Variants in MAGED2 observed in about 807,000 individuals in gnomAD.
MAGED2 encodes the protein melanoma-associated antigen D2.
MAGED2 carries 6 observed loss-of-function variants against 41.7 expected under a neutral mutation model. That is an observed-to-expected ratio of 0.14 (90% CI 0.08 to 0.28). The LOEUF is 0.28. MAGED2 is among the 10% of genes least tolerant of loss of function. The pLI is 1.00. For synonymous variants in MAGED2, 146 were observed against 178.2 expected (o/e 0.82, Z 1.44); for missense variants, 343 against 486.4 (o/e 0.71, Z 2.77).
At position 54,815,548 on chromosome X, in the gene MAGED2, G is replaced by A. The variant is rs763080639; in HGVS notation, c.1687G>A (p.Ala563Thr). The change falls in exon 12 of 13, where the codon GCC becomes ACC. Residue 563 changes from alanine to threonine, a missense_variant. By Grantham distance (58) the Ala-to-Thr change is moderately conservative. Transcript: ENST00000375068. ...TACCAATAACAGTGCCAGTGCCAGT[G>A]CCAGCACCAGTGGTGGCTTCAGTGC... Reference protein sequence around the residue: ...TSTNNSASASASTSGGFSAGA... With the variant: ...TSTNNSASASTSTSGGFSAGA... The A allele has an allele frequency of 4.2e-5, 50 of 1,176,702 alleles. No individual in the cohort carries two copies. Among genetic ancestry groups the A allele is most frequent in the Non-Finnish European group, 5.5e-5 (48 of 876,046 alleles).
At chrX:54,810,687 G>A in intron 3 of MAGED2, 134 bp from the exon 4 acceptor site, 1 of 520,756 alleles carries the variant, frequency 1.9e-6, no homozygotes. Context: ...CCAGGGTTCA[G>A]CATGGCCAAC....
chrX:54,810,692 G>A, intron 3 of MAGED2, 129 bp from the exon 4 acceptor site: 1 of 534,148 alleles, frequency 1.9e-6, no homozygotes, highest in South Asian at 3.9e-5. Context: ...GTTCAGCATG[G>A]CCAACATCTA....
rs147480000 is a variant in MAGED2 at position 54,813,012 on chromosome X, C to T, written c.1153C>T (p.Arg385Trp). 1 of 1,210,170 alleles carries T rather than the reference C, an allele frequency of 8.3e-7. No homozygotes were observed. Among genetic ancestry groups the T allele is most frequent in the South Asian group, 1.8e-5 (1 of 56,782 alleles). ...TAGCATCATCTTCATGAATGGAAATCGGTCCAGTGAGGGTGAGTGGCTGGG... is the reference window on the plus strand; with the variant it reads ...TAGCATCATCTTCATGAATGGAAATTGGTCCAGTGAGGGTGAGTGGCTGGG... ...LLSIIFMNGNRSSEAVIWEVL... is the reference protein window; with the variant it reads ...LLSIIFMNGNWSSEAVIWEVL... Residue 385 changes from arginine to tryptophan, a missense_variant, in exon 8 of 13, where the codon CGG (arginine) becomes TGG (tryptophan). Around this residue, in one of 3 missense-constraint regions of MAGED2, gnomAD observed 95 missense variants for 204.8 expected, o/e 0.46. Transcript: ENST00000375068.
At chrX:54,810,798 G>A (rs1929775275) in intron 3 of MAGED2, 23 bp from the exon 4 acceptor site, 1 of 1,138,715 alleles carries the variant, frequency 8.8e-7, no homozygotes, top group Non-Finnish European at 1.2e-6. Context: ...TGGTGACGTT[G>A]AGCTTCCTCT....
intron 5 of MAGED2, 24 bp downstream of exon 5, chrX:54,811,337 C>T: frequency 8.5e-7 from 1 of 1,179,435 alleles, no homozygotes; most frequent in South Asian, 1.8e-5. Context: ...AATCCTCCCT[C>T]TGCCCTGAGC....
chrX:54,812,013 G>A (rs1043890703), intron 6 of MAGED2, 144 bp from the exon 7 acceptor site: 18 of 457,661 alleles, frequency 3.9e-5, no homozygotes, highest in Non-Finnish European at 6.3e-5. Context: ...CGTGTTTACC[G>A]GGTGCCAGGC....
At chrX:54,813,718 G>A (rs1317587921) in intron 10 of MAGED2, among the ~76,000 whole-genome samples, 168 bp downstream of exon 10, 1 of 112,124 alleles carries the variant, frequency 8.9e-6, no homozygotes, top group Non-Finnish European at 1.9e-5. Context: ...AACAGGAGCA[G>A]CACATGTTTC....
intron 7 of MAGED2, among the ~76,000 whole-genome samples, chrX:54,812,667 C>A (rs1333707035): frequency 9.3e-6 from 1 of 107,814 alleles, no homozygotes; most frequent in Non-Finnish European, 1.9e-5. Flanking sequence ...AAGGGACTCA[C>A]ATTGACTGAG....
intron 2 of MAGED2, 96 bp downstream of exon 2, chrX:54,809,472 C>T: frequency 1.1e-6 from 1 of 950,175 alleles, no homozygotes; most frequent in Non-Finnish European, 1.5e-6. Context: ...CATCCTTGTC[C>T]TTCTCCACCT....
intron 3 of MAGED2, 99 bp downstream of exon 3, chrX:54,810,312 C>CCCCCCACAGCCCTGA: frequency 3.8e-6 from 2 of 521,678 alleles, no homozygotes; most frequent in Non-Finnish European, 6.0e-6. Flanking sequence ...CTCATCAGGG[C>CCCCCCACAGCCCTGA]TGTGGGGGGC....
chrX:54,814,398 G>T lies in MAGED2; in HGVS notation c.1272-263G>T, dbSNP rs1929899337. ...GTGTGCTCAGAGCAGGGGGCCCAAA[G>T]AATGGCTCCTCTGTTTACAACACAC... On this transcript the variant is annotated intron_variant, in intron 10 of 12. Transcript: ENST00000375068. The T allele has an allele frequency of 1.0e-5, 5 of 495,541 alleles. No individual in the cohort carries two copies. The East Asian group carries it at 2.0e-4, about 20-fold the overall frequency. 40.8% of individuals were successfully genotyped at this position (495,541 alleles called of 1,213,427 possible). A position where few individuals can be genotyped will look rare whatever the true frequency, so the allele number is the denominator to read the frequency against.
intron 5 of MAGED2, 49 bp from the exon 6 acceptor site, chrX:54,811,525 C>A: frequency 1.7e-5 from 18 of 1,064,464 alleles, no homozygotes; most frequent in Non-Finnish European, 2.4e-5. Flanking sequence ...GGCATCAGGG[C>A]CACCTGGCAT....
chrX:54,808,502 G>A (rs1182116778), intron 1 of MAGED2: 1 of 113,362 alleles, frequency 8.8e-6, no homozygotes, highest in African/African-American at 3.2e-5. Flanking sequence ...GGGATCTGGA[G>A]AAAACCTGCC....
chrX:54,815,766 C>A, intron 12 of MAGED2, 76 bp downstream of exon 12: 1 of 701,784 alleles, frequency 1.4e-6, no homozygotes, highest in Non-Finnish European at 2.1e-6. Flanking sequence ...TCTAGGAAGG[C>A]CCAAGTTGGA....
Position 54,812,952 on chromosome X carries a change from G to A in MAGED2, c.1093G>A (p.Asp365Asn). ...TDAGILGTTK[D>N]SPKLGLLMVL... Reference sequence around the variant, plus strand: ...GTCCTGTTATTTCTCTAGGACTAAGGACTCACCCAAGCTGGGTCTGCTCAT... The same window carrying A: ...GTCCTGTTATTTCTCTAGGACTAAGAACTCACCCAAGCTGGGTCTGCTCAT... The change falls in exon 8 of 13, where the codon GAC (aspartate) becomes AAC (asparagine). Residue 365 changes from aspartate to asparagine, a missense_variant. Asp to Asn is a conservative substitution (Grantham distance 23). This residue lies in a region of MAGED2 where 95 missense variants were observed against 204.8 expected (regional missense o/e 0.46). Transcript: ENST00000375068. 8.3e-7 allele frequency: 1 copy of A among 1,207,159 alleles called. No individual in the cohort carries two copies. The highest frequency in any genetic ancestry group is 1.1e-6 in the Non-Finnish European group (1 of 891,888).
chrX:54,810,304 C>T, intron 3 of MAGED2, 91 bp downstream of exon 3: 1 of 578,355 alleles, frequency 1.7e-6, no homozygotes, highest in Non-Finnish European at 2.6e-6. Context: ...TCCCTGTGCT[C>T]ATCAGGGCTG....
intron 7 of MAGED2, 65 bp from the exon 8 acceptor site, chrX:54,812,880 T>C: frequency 1.2e-6 from 1 of 832,989 alleles, no homozygotes. Flanking sequence ...GCCTAGTGAG[T>C]TGGCTGGTGT....
At chrX:54,813,721 CAT>C (rs1450944917) in intron 10 of MAGED2, among the ~76,000 whole-genome samples, 171 bp downstream of exon 10, 1 of 112,065 alleles carries the variant, frequency 8.9e-6, no homozygotes. Context: ...AGGAGCAGCA[CAT>C]GTTTCCTGAT....
chrX:54,810,874 T>C lies in MAGED2; in HGVS notation c.591T>C (p.Ser197=). The C allele has an allele frequency of 8.3e-6, 10 of 1,199,267 alleles. No homozygotes were observed. Among genetic ancestry groups the C allele is most frequent in the Non-Finnish European group, 1.1e-5 (10 of 887,878 alleles). Reference sequence around the variant, plus strand: ...GCAGCAGTGATCAGAGTCAGGCTTCTGGAACCACAGGTGGCCGAAGGGTCT... The same window carrying C: ...GCAGCAGTGATCAGAGTCAGGCTTCCGGAACCACAGGTGGCCGAAGGGTCT... ...EDGSSDQSQA[S]GTTGGRRVSK... is the part of the protein sequence containing the mutation. The change falls in exon 4 of 13, where the codon TCT becomes TCC. Residue 197 remains serine (S), a synonymous_variant. Coordinates refer to ENST00000375068, the MANE Select transcript of MAGED2 (RefSeq NM_177433.3).
Sources: gnomAD v4.1 joint callset for allele counts (sites outside exome capture counted in the v4.1 genomes callset) on GRCh38, gnomAD v4.1.1 for gene constraint, gnomAD v4.1.1 regional missense constraint, MANE v1.5 for transcripts, NCBI Gene and HGNC (gene_info 2026-07-23, HGNC 2026-07-21) for gene names.